Variants in ANKS1B observed in about 807,000 individuals in gnomAD.
The protein encoded by ANKS1B is ankyrin repeat and sterile alpha motif domain containing 1B.
A neutral mutation model predicts 148.3 loss-of-function variants in ANKS1B; 36 were observed. That is an observed-to-expected ratio of 0.24 (90% CI 0.19 to 0.32). The LOEUF is 0.32. ANKS1B is among the 10% of genes least tolerant of loss of function. The pLI is 1.00. For missense variants in ANKS1B, 1,157 were observed against 1,542.6 expected (o/e 0.75, Z 4.19); for synonymous variants, 542 against 560.8 (o/e 0.97, Z 0.47).
intron 12 of ANKS1B, among the ~76,000 whole-genome samples, chr12:99,331,296 C>T (rs2087501613): frequency 6.6e-6 from 1 of 151,908 alleles, no homozygotes. Context: ...CTAGATATTA[C>T]TGAAAAAGTC....
At chr12:99,135,623 C>G (rs1344160562) in intron 15 of ANKS1B, among the ~76,000 whole-genome samples, 1 of 152,192 alleles carries the variant, frequency 6.6e-6, no homozygotes, top group Non-Finnish European at 1.5e-5. Flanking sequence ...TACATCCGGC[C>G]TTGAATGACA....
intron 12 of ANKS1B, among the ~76,000 whole-genome samples, chr12:99,317,891 TCAA>T (rs1301867557): frequency 6.6e-6 from 1 of 152,230 alleles, no homozygotes; most frequent in Admixed American, 6.5e-5. Flanking sequence ...TTGAATTTTG[TCAA>T]AGGCCTTTTC....
At chr12:98,905,378 C>T (rs1008547204) in intron 17 of ANKS1B, among the ~76,000 whole-genome samples, 1 of 152,128 alleles carries the variant, frequency 6.6e-6, no homozygotes, top group Non-Finnish European at 1.5e-5. Context: ...TGCTTTCACC[C>T]ACATTGGCTC....
chr12:98,894,878 C>CCG, intron 17 of ANKS1B: 6 of 970,052 alleles, frequency 6.2e-6, no homozygotes, highest in Non-Finnish European at 7.3e-6. Flanking sequence ...CTCCCCGGGC[C>CCG]CGCGCGCGCG....
chr12:99,158,640 T>C (rs1019402721), intron 14 of ANKS1B, among the ~76,000 whole-genome samples: 2 of 152,048 alleles, frequency 1.3e-5, no homozygotes, highest in Non-Finnish European at 2.9e-5. Context: ...ACCATCAAAG[T>C]CTTTGCAAAG....
chr12:98,988,273 C>T (rs1273640244), intron 17 of ANKS1B, among the ~76,000 whole-genome samples: 1 of 152,148 alleles, frequency 6.6e-6, no homozygotes, highest in East Asian at 1.9e-4. Context: ...TTGCAATCAC[C>T]TTATCCCCTA....
At chr12:99,264,458 G>A (rs981468663) in intron 12 of ANKS1B, among the ~76,000 whole-genome samples, 1 of 151,992 alleles carries the variant, frequency 6.6e-6, no homozygotes, top group Admixed American at 6.6e-5. Context: ...AATTTGATAT[G>A]AATATTATTC....
intron 9 of ANKS1B, among the ~76,000 whole-genome samples, chr12:99,623,326 T>G (rs1205000822): frequency 1.3e-5 from 2 of 151,990 alleles, no homozygotes; most frequent in Non-Finnish European, 2.9e-5. Context: ...AATTGAAGCA[T>G]TTTCCTTGAG....
At chr12:99,944,775 T>G (rs2095017185) in intron 1 of ANKS1B, among the ~76,000 whole-genome samples, 1 of 152,106 alleles carries the variant, frequency 6.6e-6, no homozygotes. Context: ...ATATTTTTGT[T>G]GGATATTATG....
intron 17 of ANKS1B, among the ~76,000 whole-genome samples, chr12:99,000,052 T>G (rs1032729925): frequency 6.6e-6 from 1 of 151,562 alleles, no homozygotes; most frequent in African/African-American, 2.4e-5. Context: ...GAATGTCCAG[T>G]AAAATGCTAA....
At chr12:98,965,377 T>C (rs2099876949) in intron 17 of ANKS1B, among the ~76,000 whole-genome samples, 1 of 152,210 alleles carries the variant, frequency 6.6e-6, no homozygotes, top group Non-Finnish European at 1.5e-5. Flanking sequence ...AAGCATCCAA[T>C]ATCATGCCTA....
chr12:99,613,046 T>A (rs2097915454), intron 9 of ANKS1B, among the ~76,000 whole-genome samples: 1 of 152,094 alleles, frequency 6.6e-6, no homozygotes, highest in Admixed American at 6.6e-5. Context: ...CAGCATAGCA[T>A]CCTTGAACTG....
At chr12:99,833,852 T>C (rs1449803486) in intron 1 of ANKS1B, among the ~76,000 whole-genome samples, 1 of 152,150 alleles carries the variant, frequency 6.6e-6, no homozygotes, top group African/African-American at 2.4e-5. Context: ...AAATTAATTA[T>C]AATACACACA....
At chr12:99,367,713 T>C (rs2092847926) in intron 12 of ANKS1B, among the ~76,000 whole-genome samples, 1 of 152,234 alleles carries the variant, frequency 6.6e-6, no homozygotes, top group Non-Finnish European at 1.5e-5. Context: ...TGTCTTTATG[T>C]ATTGATAAGA....
At chr12:98,855,903 G>C (rs2099568867) in intron 17 of ANKS1B, among the ~76,000 whole-genome samples, 1 of 152,148 alleles carries the variant, frequency 6.6e-6, no homozygotes, top group African/African-American at 2.4e-5. Flanking sequence ...TAACTACGGA[G>C]AGTGTCAACT....
chr12:99,495,207 T>A (rs2096592287), intron 10 of ANKS1B, among the ~76,000 whole-genome samples: 1 of 152,160 alleles, frequency 6.6e-6, no homozygotes. Context: ...ATACACGACA[T>A]CATAAAGAGC....
intron 12 of ANKS1B, among the ~76,000 whole-genome samples, chr12:99,325,631 G>T (rs140070097): frequency 4.9e-4 from 74 of 152,224 alleles, no homozygotes; most frequent in African/African-American, 1.6e-3. Flanking sequence ...TACACTTGAT[G>T]GTTGCTAAAA....
rs995672120 is a variant in ANKS1B at position 99,418,467 on chromosome 12, T to A, written c.1576-18656A>T. Among the ~76,000 whole-genome samples the A allele has an allele frequency of 1.2e-4, 18 of 152,320 alleles. No homozygotes were observed. In the South Asian group the frequency reaches 1.2e-3, roughly 11 times the overall value. On this transcript the variant is annotated intron_variant, in intron 11 of 26. Coordinates refer to ENST00000683438, the MANE Select transcript of ANKS1B (RefSeq NM_001352186.2). ...CACAGAAATACAATTTTTTTATGTG[T>A]ATCTTGCATCCCGTGACCTTGTTGA...
At chr12:99,280,916 C>T (rs2078351817) in intron 12 of ANKS1B, among the ~76,000 whole-genome samples, 2 of 151,702 alleles carry the variant, frequency 1.3e-5, no homozygotes, top group Admixed American at 1.3e-4. Flanking sequence ...TACACACACA[C>T]ACGTGCGCAC....
Sources: gnomAD v4.1 joint callset for allele counts (sites outside exome capture counted in the v4.1 genomes callset) on GRCh38, gnomAD v4.1.1 for gene constraint, MANE v1.5 for transcripts, NCBI Gene and HGNC (gene_info 2026-07-23, HGNC 2026-07-21) for gene names.